MAF: variants seen among roughly 807,000 people sequenced by gnomAD.
MAF encodes transcription factor Maf.
In MAF, 10 loss-of-function variants were observed where a neutral mutation model predicts 22.0. The ratio of observed to expected loss-of-function variants is 0.45; its 90% CI spans 0.28 to 0.77. The LOEUF is 0.77. Among genes scored for constraint, MAF ranks in the 30% least tolerant of loss-of-function variants. MAF has a pLI of 0.12. For missense variants in MAF, 544 were observed against 548.4 expected, an observed-to-expected ratio of 0.99 and a Z score of 0.08; for synonymous variants, 337 against 255.8, an observed-to-expected ratio of 1.32 and a Z score of -3.03.
At chr16:79,548,477 A>C in the MAF span, among the ~76,000 whole-genome samples, 4 of 152,036 alleles carry the variant, frequency 2.6e-5, no homozygotes, top group Non-Finnish European at 5.9e-5. Context: ...CACATTGGTT[A>C]GTTGGTCTTC....
the MAF span, among the ~76,000 whole-genome samples, chr16:79,564,077 C>T: frequency 2.0e-5 from 3 of 152,226 alleles, no homozygotes; most frequent in Non-Finnish European, 2.9e-5. Flanking sequence ...GCAGACCCTG[C>T]TTTCAACAGA....
downstream of MAF, among the ~76,000 whole-genome samples, chr16:79,582,702 A>G (rs1912595570): frequency 6.6e-6 from 1 of 152,250 alleles, no homozygotes; most frequent in African/African-American, 2.4e-5. Flanking sequence ...AATGCTTTAA[A>G]TGAAATTGTT....
the MAF span, among the ~76,000 whole-genome samples, chr16:79,545,468 A>G: frequency 4.6e-5 from 7 of 152,072 alleles, no homozygotes; most frequent in East Asian, 1.4e-3. Flanking sequence ...AACTGCACAC[A>G]TTGCATGCCT....
intron 1 of MAF, 95 bp downstream of exon 1, chr16:79,598,690 C>A (rs1425370001): frequency 1.3e-6 from 2 of 1,572,292 alleles, no homozygotes; most frequent in Non-Finnish European, 8.6e-7. Flanking sequence ...GAGGTGGTGG[C>A]GAGCATGGCT....
the MAF span, among the ~76,000 whole-genome samples, chr16:79,540,429 G>C: frequency 3.4e-4 from 51 of 152,238 alleles, no homozygotes; most frequent in African/African-American, 1.2e-3. Context: ...CAGCCTCCCA[G>C]CGAGATCAGT....
At chr16:79,212,676 A>AGTT in the MAF span, 1 of 151,912 alleles carries the variant, frequency 6.6e-6, no homozygotes, top group African/African-American at 2.4e-5. Flanking sequence ...CATCACCTGA[A>AGTT]GTTTGTATTG....
chr16:79,374,118 T>C, the MAF span, among the ~76,000 whole-genome samples: 1 of 152,146 alleles, frequency 6.6e-6, no homozygotes, highest in African/African-American at 2.4e-5. Context: ...AAATACAACA[T>C]GTAGAAGGTA....
the MAF span, among the ~76,000 whole-genome samples, chr16:79,280,881 A>T: frequency 6.6e-6 from 1 of 152,226 alleles, no homozygotes; most frequent in Admixed American, 6.5e-5. Flanking sequence ...CTTATTGAGT[A>T]TGAATTGACT....
the MAF span, among the ~76,000 whole-genome samples, chr16:79,321,645 C>CTT: frequency 3.8e-4 from 33 of 86,958 alleles, no homozygotes; most frequent in African/African-American, 1.1e-3. Context: ...TTTTCTTTTT[C>CTT]TTTTTTTTTT....
At chr16:79,586,087 T>C (rs1369499427) in intron 1 of MAF, 1 of 531,206 alleles carries the variant, frequency 1.9e-6, no homozygotes, top group Non-Finnish European at 3.3e-6. Flanking sequence ...CCATTTGCTT[T>C]TGGGTGGTGG....
the MAF span, among the ~76,000 whole-genome samples, chr16:79,448,354 T>C: frequency 1.3e-5 from 2 of 151,576 alleles, no homozygotes; most frequent in Non-Finnish European, 2.9e-5. Context: ...TGTGACTTTC[T>C]GAAGGCTCAG....
the MAF span, among the ~76,000 whole-genome samples, chr16:79,441,920 A>G: frequency 1.3e-5 from 2 of 152,236 alleles, no homozygotes; most frequent in Non-Finnish European, 2.9e-5. Context: ...TGTAAGGGAA[A>G]GGAGGGGGAG....
At chr16:79,273,926 G>C in the MAF span, among the ~76,000 whole-genome samples, 1 of 149,774 alleles carries the variant, frequency 6.7e-6, no homozygotes, top group Non-Finnish European at 1.5e-5. Flanking sequence ...GAATCAGCTG[G>C]GTTCTAGGTA....
the MAF span, among the ~76,000 whole-genome samples, chr16:79,479,657 G>T: frequency 6.6e-6 from 1 of 152,244 alleles, no homozygotes; most frequent in Non-Finnish European, 1.5e-5. Context: ...TCACAGTACT[G>T]AGTATGTGAA....
chr16:79,589,690 G>C (rs1321917484), downstream of MAF, among the ~76,000 whole-genome samples: 1 of 152,160 alleles, frequency 6.6e-6, no homozygotes, highest in Non-Finnish European at 1.5e-5. Context: ...CCACCCAGGA[G>C]AGCGGCGCAC....
the MAF span, among the ~76,000 whole-genome samples, chr16:79,495,773 G>T: frequency 6.6e-6 from 1 of 152,136 alleles, no homozygotes; most frequent in African/African-American, 2.4e-5. Flanking sequence ...ACTTCTGCAA[G>T]GAGCAGAAAC....
chr16:79,337,004 A>G, the MAF span, among the ~76,000 whole-genome samples: 1 of 152,256 alleles, frequency 6.6e-6, no homozygotes, highest in Non-Finnish European at 1.5e-5. Context: ...CTACTTAAAT[A>G]TCCAAAGGCA....
the MAF span, among the ~76,000 whole-genome samples, chr16:79,390,105 A>T: frequency 2.0e-5 from 3 of 150,894 alleles, no homozygotes; most frequent in African/African-American, 7.3e-5. Context: ...GAACATGTGC[A>T]TTGGTGATGG....
the MAF span, among the ~76,000 whole-genome samples, chr16:79,297,477 G>C: frequency 6.6e-6 from 1 of 152,162 alleles, no homozygotes; most frequent in Non-Finnish European, 1.5e-5. Context: ...CTGTGAACGA[G>C]GAAGTAGCAT....
Sources: gnomAD v4.1 joint callset for allele counts (sites outside exome capture counted in the v4.1 genomes callset) on GRCh38, gnomAD v4.1.1 for gene constraint, MANE v1.5 for transcripts, NCBI Gene and HGNC (gene_info 2026-07-23, HGNC 2026-07-21) for gene names.